The following SOX6 variants were observed in gnomAD, a reference collection of about 807,000 sequenced individuals.
SOX6 encodes the protein SRY-box transcription factor 6.
A neutral mutation model predicts 97.8 loss-of-function variants in SOX6; 11 were observed. The ratio of observed to expected loss-of-function variants is 0.11; its 90% CI spans 0.07 to 0.19. The LOEUF is 0.19. Ranked by LOEUF, SOX6 falls within the 10% of genes least tolerant of loss-of-function variation. The probability of loss-of-function intolerance (pLI) is 1.00; values close to 1 mark genes in which losing one functional copy is unlikely to be tolerated. For synonymous variants in SOX6, 360 were observed against 371.4 expected (o/e 0.97, Z 0.35); for missense variants, 810 against 1,039.5 (o/e 0.78, Z 3.04).
intron 3 of SOX6, among the ~76,000 whole-genome samples, chr11:16,614,885 A>G (rs983442625): frequency 6.6e-6 from 1 of 152,258 alleles, no homozygotes; most frequent in African/African-American, 2.4e-5. Flanking sequence ...TTATATGAGC[A>G]TAAATCAGCC....
intron 1 of SOX6, among the ~76,000 whole-genome samples, chr11:16,387,668 C>G (rs904914509): frequency 6.6e-6 from 1 of 151,972 alleles, no homozygotes; most frequent in African/African-American, 2.4e-5. Context: ...AAAAATTACT[C>G]TTAAAAAATG....
intron 2 of SOX6, among the ~76,000 whole-genome samples, chr11:16,718,253 A>T (rs973190057): frequency 3.6e-5 from 5 of 138,276 alleles, no homozygotes; most frequent in South Asian, 2.2e-4. Flanking sequence ...ACAACAATTT[A>T]AAAAAAAAAA....
chr11:16,363,540 T>C (rs1234528832), intron 1 of SOX6, among the ~76,000 whole-genome samples: 1 of 152,164 alleles, frequency 6.6e-6, no homozygotes, highest in African/African-American at 2.4e-5. Context: ...GAAACAGATT[T>C]AGTTGGTTAA....
intron 3 of SOX6, among the ~76,000 whole-genome samples, chr11:16,612,840 T>C (rs1590008955): frequency 6.6e-6 from 1 of 152,044 alleles, no homozygotes; most frequent in Non-Finnish European, 1.5e-5. Flanking sequence ...TCTGGGAACC[T>C]TACCTGCAGC....
intron 1 of SOX6, among the ~76,000 whole-genome samples, chr11:16,467,191 A>G (rs1415672411): frequency 6.6e-6 from 1 of 152,158 alleles, no homozygotes; most frequent in Non-Finnish European, 1.5e-5. Flanking sequence ...CCGTTTGGGG[A>G]GTGTAAATTA....
At chr11:16,624,537 C>T (rs1286714918) in intron 3 of SOX6, among the ~76,000 whole-genome samples, 1 of 152,130 alleles carries the variant, frequency 6.6e-6, no homozygotes, top group East Asian at 1.9e-4. Context: ...TATCAGCCTG[C>T]ATTGATGAAC....
rs796745006 is a variant in SOX6 at position 16,097,782 on chromosome 11, C to T, written c.899-94G>A. The T allele has an allele frequency of 1.7e-5, 19 of 1,145,550 alleles. No homozygotes were observed. The African/African-American group carries it at 2.6e-4, about 16-fold the overall frequency. The allele number at this position is 1,145,550 out of a possible 1,614,324, so 71.0% of individuals were successfully genotyped here. A position where few individuals can be genotyped will look rare whatever the true frequency, so the allele number is the denominator to read the frequency against. The stretch of plus-strand genomic sequence containing the variant: ...TGGTCCTTGGATTGCCTGAGCTTTA[C>T]AACATTGCTCTAAGCCCAAACATCT... On this transcript the variant is annotated intron_variant, in intron 7 of 15. Coordinates refer to ENST00000683767, the MANE Select transcript of SOX6 (RefSeq NM_001367873.1).
intron 1 of SOX6, among the ~76,000 whole-genome samples, chr11:16,737,652 A>C (rs922517958): frequency 2.6e-5 from 4 of 152,224 alleles, no homozygotes; most frequent in Non-Finnish European, 5.9e-5. Flanking sequence ...GATAGTCTTC[A>C]GTATCTGAAC....
At chr11:16,508,645 C>A (rs1342092755) in intron 4 of SOX6, among the ~76,000 whole-genome samples, 1 of 151,740 alleles carries the variant, frequency 6.6e-6, no homozygotes, top group Non-Finnish European at 1.5e-5. Context: ...TGGTCATGAT[C>A]ATGGAGAGAG....
intron 1 of SOX6, among the ~76,000 whole-genome samples, chr11:16,386,975 C>T (rs1297382083): frequency 6.6e-6 from 1 of 152,104 alleles, no homozygotes; most frequent in Non-Finnish European, 1.5e-5. Context: ...TAAAATTATA[C>T]AAAAGGTAAA....
chr11:16,110,269 G>T (rs568545532), intron 7 of SOX6: 31 of 152,102 alleles, frequency 2.0e-4, no homozygotes, highest in Non-Finnish European at 3.8e-4. Context: ...TCTGGGACTG[G>T]TACAGGGGTG....
chr11:15,994,164 C>T (rs565244153), intron 13 of SOX6, among the ~76,000 whole-genome samples: 8 of 152,180 alleles, frequency 5.3e-5, no homozygotes, highest in African/African-American at 1.7e-4. Flanking sequence ...ACAAACGATG[C>T]TAACAGCGGT....
chr11:16,179,030 G>C, intron 6 of SOX6, among the ~76,000 whole-genome samples: 1 of 151,584 alleles, frequency 6.6e-6, no homozygotes, highest in East Asian at 1.9e-4. Flanking sequence ...TAATTAACTA[G>C]GTCAAGCAGG....
intron 15 of SOX6, among the ~76,000 whole-genome samples, chr11:15,979,646 C>A (rs1356603865): frequency 6.6e-6 from 1 of 152,008 alleles, no homozygotes; most frequent in African/African-American, 2.4e-5. Context: ...GTCATTCTGG[C>A]CTATTTATTT....
chr11:16,221,400 C>T (rs1295592961), intron 4 of SOX6, among the ~76,000 whole-genome samples: 1 of 151,994 alleles, frequency 6.6e-6, no homozygotes, highest in African/African-American at 2.4e-5. Context: ...CTTTTAAGTA[C>T]ATATACTTTT....
Position 16,046,491 on chromosome 11 carries a change from G to C in SOX6, c.1623+23C>G. 8 of 1,610,278 alleles carry C rather than the reference G, an allele frequency of 5.0e-6. No individual in the cohort carries two copies. In the South Asian group the frequency reaches 8.8e-5, roughly 18 times the overall value. The stretch of plus-strand genomic sequence containing the variant: ...TGAGCCAATAAGTCTAGCAGATCCA[G>C]TGACACAAGGAAGCAGTTTTACCTT... On this transcript the variant is annotated intron_variant, in intron 12 of 15. Coordinates refer to ENST00000683767, the MANE Select transcript of SOX6 (RefSeq NM_001367873.1).
chr11:16,556,479 G>A (rs1847750317), intron 4 of SOX6, among the ~76,000 whole-genome samples: 1 of 151,656 alleles, frequency 6.6e-6, no homozygotes, highest in Non-Finnish European at 1.5e-5. Context: ...ACAATTAAAA[G>A]ATAACTGTGG....
At chr11:16,066,141 G>A (rs1245644579) in intron 9 of SOX6, among the ~76,000 whole-genome samples, 1 of 152,056 alleles carries the variant, frequency 6.6e-6, no homozygotes, top group Non-Finnish European at 1.5e-5. Flanking sequence ...ACATACAAAT[G>A]GCAAACAGGC....
intron 6 of SOX6, among the ~76,000 whole-genome samples, chr11:16,153,087 T>C (rs1850500701): frequency 6.6e-6 from 1 of 152,010 alleles, no homozygotes; most frequent in South Asian, 2.1e-4. Context: ...GGGTGGTATC[T>C]ATCTCTTAAC....
Sources: allele counts gnomAD v4.1 joint callset (sites outside exome capture counted in the v4.1 genomes callset), GRCh38; gene constraint gnomAD v4.1.1; transcripts MANE v1.5; gene names NCBI Gene and HGNC (gene_info 2026-07-23, HGNC 2026-07-21).